Variants in PCBP3 observed in about 807,000 individuals in gnomAD.
The protein encoded by PCBP3 is poly(rC) binding protein 3, also known as poly(rC)-binding protein 3.
In PCBP3, 25 loss-of-function variants were observed where a neutral mutation model predicts 52.7. The observed-to-expected ratio is 0.47, with a 90% confidence interval of 0.35 to 0.66. The LOEUF (loss-of-function observed/expected upper bound fraction) is 0.66, where lower values mean the gene tolerates loss of function less well. Ranked by LOEUF, PCBP3 falls within the 30% of genes least tolerant of loss-of-function variation. The pLI is 0.01. For synonymous variants in PCBP3, 162 were observed against 183.0 expected (o/e 0.89, Z 0.93); for missense variants, 391 against 490.3 (o/e 0.80, Z 1.91).
chr21:45,757,478 C>T lies in PCBP3; in HGVS notation c.-126+2026C>T, dbSNP rs192407216. ...AGTTTTCTTTCATTTAGTAGGTTGT[C>T]TTTTCATTTTCTTGGTAGTACCTTT... On this transcript the variant is annotated intron_variant, in intron 4 of 17. Transcript: ENST00000681687. Among the ~76,000 whole-genome samples the T allele has an allele frequency of 2.1e-3, 318 of 152,224 alleles. 3 individuals are homozygous for T. The highest frequency in any genetic ancestry group is 7.2e-3 in the African/African-American group (301 of 41,548).
intron 2 of PCBP3, among the ~76,000 whole-genome samples, chr21:45,684,956 T>A (rs1603257280): frequency 6.6e-6 from 1 of 152,152 alleles, no homozygotes; most frequent in African/African-American, 2.4e-5. Context: ...AAGTCTATCT[T>A]CCCCACACCC....
chr21:45,816,104 AGTGGTGAGTGG>A (rs2092944065), intron 4 of PCBP3, among the ~76,000 whole-genome samples: 1 of 148,590 alleles, frequency 6.7e-6, no homozygotes, highest in Non-Finnish European at 1.5e-5. Context: ...GTGGTGAGTG[AGTGGTGAGTGG>A]TGAGTGAGTG....
chr21:45,654,817 A>G (rs1225929385), intron 1 of PCBP3, among the ~76,000 whole-genome samples: 1 of 152,174 alleles, frequency 6.6e-6, no homozygotes, highest in African/African-American at 2.4e-5. Flanking sequence ...TTACTACATA[A>G]TTCCAGAACA....
At chr21:45,816,074 T>G (rs1307514304) in intron 4 of PCBP3, among the ~76,000 whole-genome samples, 5 of 96,332 alleles carry the variant, frequency 5.2e-5, no homozygotes, top group Admixed American at 1.0e-4. Flanking sequence ...GATGAGTGAG[T>G]GGTGAGTGAT....
intron 4 of PCBP3, among the ~76,000 whole-genome samples, chr21:45,809,629 C>A (rs1029413771): frequency 2.6e-5 from 4 of 152,192 alleles, no homozygotes; most frequent in African/African-American, 7.2e-5. Context: ...TGCCCCGCTT[C>A]CCCCCTGCCG....
chr21:45,720,709 G>A (rs940716008), intron 2 of PCBP3, among the ~76,000 whole-genome samples: 4 of 152,178 alleles, frequency 2.6e-5, no homozygotes, highest in Non-Finnish European at 5.9e-5. Context: ...TTGTAGGGTT[G>A]CAATGGTTTT....
intron 2 of PCBP3, among the ~76,000 whole-genome samples, chr21:45,714,642 A>G (rs1305279264): frequency 3.3e-5 from 5 of 152,256 alleles, no homozygotes; most frequent in African/African-American, 1.2e-4. Context: ...AAGAAGCCAG[A>G]AAGGATATAA....
At chr21:45,922,741 C>A (rs1399919191) in intron 13 of PCBP3, among the ~76,000 whole-genome samples, 1 of 152,224 alleles carries the variant, frequency 6.6e-6, no homozygotes, top group African/African-American at 2.4e-5. Flanking sequence ...TTGCACCAAC[C>A]CTGTGAGGCA....
intron 15 of PCBP3, 98 bp from the exon 16 acceptor site, chr21:45,935,155 C>T: frequency 1.2e-6 from 1 of 812,332 alleles, no homozygotes; most frequent in Non-Finnish European, 2.1e-6. Context: ...AGCTCTACAG[C>T]CCTGTCTCAC....
At chr21:45,939,388 G>A (rs2077212555) in intron 16 of PCBP3, among the ~76,000 whole-genome samples, 1 of 152,238 alleles carries the variant, frequency 6.6e-6, no homozygotes, top group Non-Finnish European at 1.5e-5. Context: ...GCTTCAAGGA[G>A]CACCCTCATT....
intron 6 of PCBP3, among the ~76,000 whole-genome samples, chr21:45,897,943 G>T (rs977595552): frequency 1.3e-5 from 2 of 152,202 alleles, no homozygotes; most frequent in Non-Finnish European, 2.9e-5. Context: ...GCCAGTATCT[G>T]TGCGTGGCCT....
chr21:45,780,025 A>G (rs76012465), intron 4 of PCBP3, among the ~76,000 whole-genome samples: 2,047 of 152,362 alleles, frequency 0.013, 62 homozygotes, highest in African/African-American at 0.046. Context: ...GGGAAAAGGC[A>G]TAGCTTTTTA....
Position 45,805,498 on chromosome 21 carries a change from TG to T in PCBP3, c.-125-44459del, listed in dbSNP as rs1177539144. Among the ~76,000 whole-genome samples, 1 of 151,984 alleles carries T rather than the reference TG, an allele frequency of 6.6e-6. No homozygotes were observed. Among genetic ancestry groups the T allele is most frequent in the Admixed American group, 6.6e-5 (1 of 15,266 alleles). ...TGCCTCAAGGTTCCCACCAGCAGAG[TG>T]GGGCCACCTGGGTTGGTGCCAACGA... On this transcript the variant is annotated intron_variant, in intron 4 of 17. Transcript: ENST00000681687. The surrounding 1 kb of genome is among the most constrained non-coding windows in gnomAD (Gnocchi z 4.6).
intron 3 of PCBP3, among the ~76,000 whole-genome samples, chr21:45,751,246 T>C (rs1246867311): frequency 6.6e-6 from 1 of 152,242 alleles, no homozygotes; most frequent in Admixed American, 6.5e-5. Flanking sequence ...TCCATATGTA[T>C]GTTTTCTGTT....
intron 13 of PCBP3, among the ~76,000 whole-genome samples, chr21:45,920,750 T>C (rs1367164080): frequency 6.6e-6 from 1 of 152,166 alleles, no homozygotes; most frequent in African/African-American, 2.4e-5. Context: ...TCCTGTCATG[T>C]GAGGACAAGA....
chr21:45,812,508 C>T (rs150919839), intron 4 of PCBP3, among the ~76,000 whole-genome samples: 4 of 152,266 alleles, frequency 2.6e-5, no homozygotes, highest in Non-Finnish European at 4.4e-5. Context: ...CGAGTTCAAG[C>T]GATTCTCCTG....
At chr21:45,932,990 G>C (rs1355996698) in intron 15 of PCBP3, among the ~76,000 whole-genome samples, 1 of 151,564 alleles carries the variant, frequency 6.6e-6, no homozygotes, top group Non-Finnish European at 1.5e-5. Flanking sequence ...GCCGTTCTGA[G>C]ATGAATGAAC....
chr21:45,655,852 CAGA>C (rs2079983816), intron 1 of PCBP3, among the ~76,000 whole-genome samples: 1 of 152,058 alleles, frequency 6.6e-6, no homozygotes, highest in Non-Finnish European at 1.5e-5. Flanking sequence ...GGCATATGAA[CAGA>C]AGAAGACATT....
At chr21:45,846,767 G>C (rs991775516) in intron 4 of PCBP3, among the ~76,000 whole-genome samples, 3 of 152,206 alleles carry the variant, frequency 2.0e-5, no homozygotes, top group African/African-American at 7.2e-5. Flanking sequence ...CTTGCTTCCT[G>C]CTTTGAGGTG....
Sources: allele counts gnomAD v4.1 joint callset (sites outside exome capture counted in the v4.1 genomes callset), GRCh38; gene constraint gnomAD v4.1.1; non-coding constraint Gnocchi (gnomAD v3.1); transcripts MANE v1.5; gene names NCBI Gene and HGNC (gene_info 2026-07-23, HGNC 2026-07-21).